Variants in GPC5 observed in about 807,000 individuals in gnomAD.
GPC5 encodes glypican-5.
In GPC5, 47 loss-of-function variants were observed where a neutral mutation model predicts 53.9. That is an observed-to-expected ratio of 0.87 (90% CI 0.69 to 1.11). The LOEUF (loss-of-function observed/expected upper bound fraction) is 1.11. Ranked by LOEUF, GPC5 falls within the 50% of genes most tolerant of loss-of-function variation. The pLI is 0.00. For synonymous variants in GPC5, 286 were observed against 263.3 expected (o/e 1.09, Z -0.84); for missense variants, 748 against 713.1 (o/e 1.05, Z -0.56).
chr13:92,527,281 A>G lies in GPC5; in HGVS notation c.1562-339001A>G, dbSNP rs140937853. ...AAAGAAAGAAAGAAAGAAAGAAAGAAAAAGATCAACAGGCAAAGAGAGCCC... is the reference window on the plus strand; with the variant it reads ...AAAGAAAGAAAGAAAGAAAGAAAGAGAAAGATCAACAGGCAAAGAGAGCCC... On this transcript the variant is annotated intron_variant, in intron 7 of 7. Transcript: ENST00000377067. 8.2e-4 allele frequency among the ~76,000 whole-genome samples: 123 copies of G among 149,592 alleles called. 1 individual carries two copies. Among genetic ancestry groups the G allele is most frequent in the African/African-American group, 3.0e-3 (120 of 40,092 alleles).
chr13:92,621,739 A>C (rs1432109959), intron 7 of GPC5, among the ~76,000 whole-genome samples: 4 of 152,024 alleles, frequency 2.6e-5, no homozygotes, highest in Admixed American at 2.6e-4. Context: ...GAATTGCTTG[A>C]ACCCAGGATG....
At chr13:92,581,202 C>T (rs1004889341) in intron 7 of GPC5, among the ~76,000 whole-genome samples, 4 of 152,114 alleles carry the variant, frequency 2.6e-5, no homozygotes, top group African/African-American at 9.7e-5. Context: ...AATTTTCTGT[C>T]TTTTCACCCT....
At chr13:92,608,879 A>G (rs2098038575) in intron 7 of GPC5, among the ~76,000 whole-genome samples, 1 of 152,182 alleles carries the variant, frequency 6.6e-6, no homozygotes, top group South Asian at 2.1e-4. Context: ...TATAGGGGGC[A>G]ACTGTGCTAT....
intron 6 of GPC5, among the ~76,000 whole-genome samples, chr13:92,098,550 G>T (rs577928935): frequency 2.6e-5 from 4 of 152,120 alleles, no homozygotes; most frequent in African/African-American, 4.8e-5. Context: ...ATCATTGGAG[G>T]TTCCATAGAA....
intron 7 of GPC5, among the ~76,000 whole-genome samples, chr13:92,820,559 A>G (rs993688055): frequency 6.6e-6 from 1 of 152,122 alleles, no homozygotes; most frequent in Non-Finnish European, 1.5e-5. Context: ...TGTATTTTTG[A>G]CAAAACTCAC....
chr13:91,747,640 G>GAT (rs1566656857), intron 4 of GPC5, among the ~76,000 whole-genome samples: 1 of 66,132 alleles, frequency 1.5e-5, no homozygotes, highest in Non-Finnish European at 3.4e-5. Flanking sequence ...CGATGTATCT[G>GAT]GTTTTTTTTT....
intron 7 of GPC5, among the ~76,000 whole-genome samples, chr13:92,428,635 A>G (rs1199946831): frequency 4.6e-5 from 7 of 152,154 alleles, no homozygotes; most frequent in African/African-American, 1.7e-4. Flanking sequence ...ACAGCAGCTT[A>G]GAGTTCTCTC....
intron 2 of GPC5, among the ~76,000 whole-genome samples, chr13:91,458,692 C>T (rs888403447): frequency 1.3e-5 from 2 of 152,044 alleles, no homozygotes; most frequent in African/African-American, 4.8e-5. Context: ...CCAGCAATCC[C>T]ACTACTGGAT....
chr13:92,019,797 A>G (rs1536374), intron 6 of GPC5, among the ~76,000 whole-genome samples: 134,928 of 152,124 alleles, frequency 0.89, 60,615 homozygotes, highest in East Asian at 1. Context: ...GTACTTTTTC[A>G]TTTTCTTTTG....
At chr13:92,671,711 G>C (rs112195210) in intron 7 of GPC5, among the ~76,000 whole-genome samples, 32 of 152,280 alleles carry the variant, frequency 2.1e-4, no homozygotes, top group African/African-American at 7.0e-4. Context: ...AAATAAGTAG[G>C]TATAAATCTG....
intron 7 of GPC5, among the ~76,000 whole-genome samples, chr13:92,517,325 T>C: frequency 6.6e-6 from 1 of 152,138 alleles, no homozygotes; most frequent in East Asian, 1.9e-4. Context: ...GTCTGACAGC[T>C]TTGAAGAGAG....
intron 7 of GPC5, among the ~76,000 whole-genome samples, chr13:92,358,082 C>G (rs1341906686): frequency 6.6e-6 from 1 of 151,742 alleles, no homozygotes; most frequent in East Asian, 1.9e-4. Flanking sequence ...AAATCAAAAA[C>G]AAGTTAATTA....
chr13:91,536,117 G>T (rs1474347482), intron 2 of GPC5, among the ~76,000 whole-genome samples: 1 of 152,016 alleles, frequency 6.6e-6, no homozygotes, highest in Non-Finnish European at 1.5e-5. Context: ...TTACCAAAAG[G>T]TGCTTTGATA....
chr13:92,650,322 T>C (rs144140343), intron 7 of GPC5, among the ~76,000 whole-genome samples: 482 of 152,224 alleles, frequency 3.2e-3, no homozygotes, highest in Non-Finnish European at 5.3e-3. Context: ...AATATAATCA[T>C]ATAAGGAAAG....
chr13:92,287,281 T>C (rs1259854054), intron 7 of GPC5, among the ~76,000 whole-genome samples: 1 of 152,216 alleles, frequency 6.6e-6, no homozygotes, highest in Non-Finnish European at 1.5e-5. Flanking sequence ...GATAAACATA[T>C]GGTCTATTCC....
At chr13:91,437,376 A>G (rs1437205395) in intron 1 of GPC5, among the ~76,000 whole-genome samples, 1 of 152,162 alleles carries the variant, frequency 6.6e-6, no homozygotes, top group African/African-American at 2.4e-5. Context: ...CTTTTAGGGC[A>G]GGCCTGGTGG....
At chr13:91,485,937 G>T (rs1191183012) in intron 2 of GPC5, 1 of 152,202 alleles carries the variant, frequency 6.6e-6, no homozygotes, top group Non-Finnish European at 1.5e-5. Context: ...CCATGAGGAT[G>T]GGTAGTGATC....
chr13:91,596,822 G>T (rs932801272), intron 2 of GPC5, among the ~76,000 whole-genome samples: 1 of 152,058 alleles, frequency 6.6e-6, no homozygotes, highest in African/African-American at 2.4e-5. Context: ...TAAGAGTTGG[G>T]TATTCTCTCT....
At chr13:92,434,446 A>G (rs963243440) in intron 7 of GPC5, among the ~76,000 whole-genome samples, 3 of 152,194 alleles carry the variant, frequency 2.0e-5, no homozygotes, top group East Asian at 1.9e-4. Context: ...CCTATATACT[A>G]CAAGAGAAAA....
Sources: allele counts gnomAD v4.1 joint callset (sites outside exome capture counted in the v4.1 genomes callset), GRCh38; gene constraint gnomAD v4.1.1; transcripts MANE v1.5; gene names NCBI Gene and HGNC (gene_info 2026-07-23, HGNC 2026-07-21).